XRN1: variants seen among roughly 807,000 people sequenced by gnomAD.
XRN1 encodes strand-exchange protein 1 homolog.
Under a neutral mutation model 222.3 loss-of-function variants are expected in XRN1, and 67 were observed. The ratio of observed to expected loss-of-function variants is 0.30; its 90% CI spans 0.25 to 0.37. XRN1 has a LOEUF of 0.37. XRN1 is among the 10% of genes least tolerant of loss of function. The pLI is 1.00. For synonymous variants in XRN1, 643 were observed against 652.4 expected, an observed-to-expected ratio of 0.99 and a Z score of 0.22; for missense variants, 1,707 against 2,000.2, an observed-to-expected ratio of 0.85 and a Z score of 2.80.
At chr3:142,315,797 G>T (rs2065197703) in intron 39 of XRN1, among the ~76,000 whole-genome samples, 1 of 152,122 alleles carries the variant, frequency 6.6e-6, no homozygotes, top group East Asian at 1.9e-4. Flanking sequence ...TTACAAGCGT[G>T]AGCCACTGCG....
chr3:142,354,266 C>T (rs567009575), intron 32 of XRN1, among the ~76,000 whole-genome samples: 1 of 151,996 alleles, frequency 6.6e-6, no homozygotes, highest in South Asian at 2.1e-4. Flanking sequence ...GAATGGCTGT[C>T]AAAAAATAAC....
At chr3:142,325,528 T>C (rs1385221942) in intron 37 of XRN1, among the ~76,000 whole-genome samples, 1 of 152,152 alleles carries the variant, frequency 6.6e-6, no homozygotes, top group Non-Finnish European at 1.5e-5. Flanking sequence ...TTTTGTTTTT[T>C]TTCTCTTATT....
intron 1 of XRN1, among the ~76,000 whole-genome samples, chr3:142,444,359 G>A (rs112132488): frequency 4.7e-4 from 72 of 152,282 alleles, no homozygotes; most frequent in African/African-American, 1.6e-3. Flanking sequence ...TATAATCCAA[G>A]GACTTTGGGA....
intron 19 of XRN1, among the ~76,000 whole-genome samples, chr3:142,398,367 GTTTT>G (rs79496846): frequency 1.4e-5 from 2 of 139,800 alleles, no homozygotes; most frequent in South Asian, 2.4e-4. Flanking sequence ...TATCTACAAA[GTTTT>G]TTTTTTTTTT....
intron 1 of XRN1, among the ~76,000 whole-genome samples, chr3:142,440,566 T>C (rs924611131): frequency 6.6e-6 from 1 of 151,948 alleles, no homozygotes; most frequent in African/African-American, 2.4e-5. Context: ...CTCCAAAAGA[T>C]TGTTAAGGAC....
chr3:142,344,610 GAACA>G (rs2107796554), intron 33 of XRN1, among the ~76,000 whole-genome samples: 1 of 151,546 alleles, frequency 6.6e-6, no homozygotes, highest in Admixed American at 6.6e-5. Flanking sequence ...TAACAGAAAT[GAACA>G]ATCAAAAAAT....
At chr3:142,336,008 G>C (rs1319821962) in intron 33 of XRN1, among the ~76,000 whole-genome samples, 1 of 152,196 alleles carries the variant, frequency 6.6e-6, no homozygotes, top group Admixed American at 6.5e-5. Flanking sequence ...TATGGCCATA[G>C]CCTATTGGCT....
At chr3:142,439,404 G>C (rs1049250164) in intron 1 of XRN1, among the ~76,000 whole-genome samples, 4 of 152,174 alleles carry the variant, frequency 2.6e-5, no homozygotes, top group African/African-American at 7.2e-5. Context: ...GATTGGTGCC[G>C]CAGACATCTG....
intron 20 of XRN1, among the ~76,000 whole-genome samples, chr3:142,396,115 T>C: frequency 6.6e-6 from 1 of 152,244 alleles, no homozygotes; most frequent in Admixed American, 6.5e-5. Context: ...TTATTATTCA[T>C]TACGTGTTTT....
chr3:142,347,688 C>T (rs1216905223), intron 32 of XRN1, among the ~76,000 whole-genome samples: 2 of 151,976 alleles, frequency 1.3e-5, no homozygotes, highest in African/African-American at 4.8e-5. Flanking sequence ...ACCTCTGCCT[C>T]CCGGGTTCAT....
chr3:142,389,488 T>C (rs1030898482), intron 20 of XRN1, among the ~76,000 whole-genome samples: 2 of 152,122 alleles, frequency 1.3e-5, no homozygotes, highest in African/African-American at 4.8e-5. Flanking sequence ...TAATAGTGAA[T>C]CCTTTCCAGA....
chr3:142,344,420 T>C (rs73238151), intron 33 of XRN1, among the ~76,000 whole-genome samples: 202 of 152,260 alleles, frequency 1.3e-3, no homozygotes, highest in Non-Finnish European at 2.4e-3. Context: ...GGATGCATGT[T>C]CTCACCACTT....
intron 36 of XRN1, among the ~76,000 whole-genome samples, chr3:142,332,157 T>C (rs1172741244): frequency 1.2e-4 from 18 of 152,106 alleles, no homozygotes; most frequent in Admixed American, 1.2e-3. Flanking sequence ...TGGTGGCATA[T>C]ACCTGTAATC....
At chr3:142,428,911 G>A (rs1168284535) in intron 2 of XRN1, among the ~76,000 whole-genome samples, 1 of 152,110 alleles carries the variant, frequency 6.6e-6, no homozygotes, top group Admixed American at 6.6e-5. Context: ...AGTAATCAAA[G>A]CCATTGGATG....
chr3:142,443,586 C>T (rs1203051322), intron 1 of XRN1, among the ~76,000 whole-genome samples: 2 of 152,226 alleles, frequency 1.3e-5, no homozygotes, highest in African/African-American at 2.4e-5. Context: ...CAACCCCCTT[C>T]GGGTCCCCTC....
chr3:142,389,294 G>C (rs2067627069), intron 20 of XRN1, among the ~76,000 whole-genome samples: 2 of 151,970 alleles, frequency 1.3e-5, no homozygotes. Flanking sequence ...CCATCTTAAG[G>C]CTCCACTTCT....
At chr3:142,444,369 A>G (rs2070399045) in intron 1 of XRN1, among the ~76,000 whole-genome samples, 1 of 152,186 alleles carries the variant, frequency 6.6e-6, no homozygotes, top group South Asian at 2.1e-4. Flanking sequence ...GGACTTTGGG[A>G]GGCTGAGGTG....
intron 20 of XRN1, among the ~76,000 whole-genome samples, chr3:142,393,958 T>C (rs1237267529): frequency 1.3e-5 from 2 of 151,978 alleles, no homozygotes; most frequent in African/African-American, 2.4e-5. Flanking sequence ...TCTGGAGTAG[T>C]TGGGACTACA....
At chr3:142,391,881 T>C (rs1355693526) in intron 20 of XRN1, among the ~76,000 whole-genome samples, 2 of 151,844 alleles carry the variant, frequency 1.3e-5, no homozygotes, top group East Asian at 3.9e-4. Flanking sequence ...CATTATATTA[T>C]TTTGATTCTA....
Sources: gnomAD v4.1 joint callset for allele counts (sites outside exome capture counted in the v4.1 genomes callset) on GRCh38, gnomAD v4.1.1 for gene constraint, MANE v1.5 for transcripts, NCBI Gene and HGNC (gene_info 2026-07-23, HGNC 2026-07-21) for gene names.